Variants in DAG1 observed in about 807,000 individuals in gnomAD.
DAG1 encodes the protein dystroglycan 1 (dystrophin-associated glycoprotein 1).
A neutral mutation model predicts 46.1 loss-of-function variants in DAG1; 8 were observed. The observed-to-expected ratio is 0.17, with a 90% CI of 0.10 to 0.31. The LOEUF (loss-of-function observed/expected upper bound fraction) is 0.31, where lower values mean the gene tolerates loss of function less well. DAG1 is among the 10% of genes least tolerant of loss of function. The probability of loss-of-function intolerance (pLI) is 1.00; values close to 1 mark genes in which losing one functional copy is unlikely to be tolerated. For synonymous variants in DAG1, 495 were observed against 481.8 expected (o/e 1.03, Z -0.36); for missense variants, 1,003 against 1,189.9 (o/e 0.84, Z 2.31).
chr3:49,472,472 C>T (rs551999176), intron 1 of DAG1, among the ~76,000 whole-genome samples: 244 of 152,236 alleles, frequency 1.6e-3, no homozygotes, highest in Non-Finnish European at 2.8e-3. Flanking sequence ...ACCACTTAGA[C>T]TGCCGTCGAT....
At chr3:49,507,898 ATTTT>A (rs978584763) in intron 1 of DAG1, among the ~76,000 whole-genome samples, 7 of 151,864 alleles carry the variant, frequency 4.6e-5, no homozygotes, top group Non-Finnish European at 1.5e-5. Context: ...AGTAGTTTGT[ATTTT>A]TTGAGAGGAA....
chr3:49,531,346 G>T lies in DAG1; in HGVS notation c.835G>T (p.Ala279Ser), dbSNP rs202239406. 47 of 1,614,000 alleles carry T rather than the reference G, an allele frequency of 2.9e-5. No homozygotes were observed. Among genetic ancestry groups the T allele is most frequent in the African/African-American group, 1.3e-5 (1 of 74,864 alleles). The change falls in exon 3 of 3, where the codon GCC becomes TCC. Residue 279 changes from alanine (A) to serine (S), a missense_variant. Coordinates refer to ENST00000308775, the MANE Select transcript of DAG1 (RefSeq NM_004393.6). The surrounding 1 kb of genome is among the most constrained non-coding windows in gnomAD (Gnocchi z 7.0). ...NSVPDIHGVE[A>S]PAREGAMSAQ... ...TGTGCCTGACATTCATGGTGTAGAG[G>T]CCCCTGCCAGGGAGGGCGCAATGTC...
chr3:49,476,051 G>A (rs2049675373), intron 1 of DAG1, among the ~76,000 whole-genome samples: 1 of 152,024 alleles, frequency 6.6e-6, no homozygotes, highest in Non-Finnish European at 1.5e-5. Context: ...TCAGGGTCCA[G>A]GGTAGAAAGA....
In DAG1 at chr3:49,532,304, G is replaced by A. The variant is rs201268364; in HGVS notation, c.1793G>A (p.Arg598His). ...VDAFEIHVHR[R>H]PQGDRAPARF... ...GCCTTCGAGATCCACGTCCACAGGC[G>A]CCCCCAAGGGGATAGGGCTCCTGCA... Residue 598 changes from arginine (R) to histidine (H), a missense_variant, in exon 3 of 3, where the codon CGC becomes CAC. Physicochemically the swap from Arg to His is conservative, Grantham distance 29 (BLOSUM62 0). Transcript: ENST00000308775. The surrounding 1 kb of genome is among the most constrained non-coding windows in gnomAD (Gnocchi z 5.4). 5.0e-6 allele frequency: 8 copies of A among 1,614,004 alleles called. No individual in the cohort carries two copies. The highest frequency in any genetic ancestry group is 6.8e-6 in the Non-Finnish European group (8 of 1,180,034).
chr3:49,494,441 G>T (rs957202014), intron 1 of DAG1, among the ~76,000 whole-genome samples: 3 of 152,158 alleles, frequency 2.0e-5, no homozygotes, highest in African/African-American at 7.2e-5. Flanking sequence ...GGCCAATTAG[G>T]TCAGAAAGGC....
intron 1 of DAG1, chr3:49,510,164 G>T: frequency 2.1e-6 from 1 of 475,746 alleles, no homozygotes. Flanking sequence ...TATTTTAAAA[G>T]TATTAATGAG....
In DAG1 at chr3:49,533,915, C is replaced by T. The variant is rs1177165322; in HGVS notation, c.*716C>T. On this transcript the variant is annotated 3_prime_UTR_variant, in exon 3 of 3. Transcript: ENST00000308775. Reference sequence around the variant, plus strand: ...TCCCGGCCCTGGCTCACGCCAAGTCCCTGGTGCTGGGTTTGCTCTCCCGCT... The same window carrying T: ...TCCCGGCCCTGGCTCACGCCAAGTCTCTGGTGCTGGGTTTGCTCTCCCGCT... 1 of 163,934 alleles carries T rather than the reference C, an allele frequency of 6.1e-6. No homozygotes were observed. Among genetic ancestry groups the T allele is most frequent in the East Asian group, 1.8e-4 (1 of 5,548 alleles). The allele number at this position is 163,934 out of a possible 1,614,324, so 10.2% of individuals were successfully genotyped here.
chr3:49,499,171 AC>A (rs749997686), intron 1 of DAG1, among the ~76,000 whole-genome samples: 2 of 152,154 alleles, frequency 1.3e-5, no homozygotes, highest in Non-Finnish European at 2.9e-5. Flanking sequence ...GAGTCTCCCA[AC>A]TTTTCTTTTA....
At chr3:49,479,390 A>C (rs1405129038) in intron 1 of DAG1, among the ~76,000 whole-genome samples, 1 of 150,766 alleles carries the variant, frequency 6.6e-6, no homozygotes, top group African/African-American at 2.4e-5. Flanking sequence ...GCTCACTGCA[A>C]CCTCCACCTC....
rs140502758 is a variant in DAG1 at position 49,505,556 on chromosome 3, T to C, written c.-116-4863T>C. 6.9e-3 allele frequency among the ~76,000 whole-genome samples: 1,056 copies of C among 152,338 alleles called. 8 individuals are homozygous for C. The highest frequency in any genetic ancestry group is 0.024 in the African/African-American group (1,007 of 41,574). On this transcript the variant is annotated intron_variant, in intron 1 of 2. Transcript: ENST00000308775. ...GTGACCTTGTTGAACTCACTTATTA[T>C]AGAACTGATATAGGACTATAAGGAG...
At chr3:49,478,865 G>A (rs1297429393) in intron 1 of DAG1, among the ~76,000 whole-genome samples, 2 of 135,836 alleles carry the variant, frequency 1.5e-5, no homozygotes, top group African/African-American at 2.9e-5. Context: ...CTGGGCTGGA[G>A]TGCAATGGCG....
At chr3:49,488,263 T>C (rs779849981) in intron 1 of DAG1, among the ~76,000 whole-genome samples, 1 of 152,228 alleles carries the variant, frequency 6.6e-6, no homozygotes, top group African/African-American at 2.4e-5. Flanking sequence ...TTCCATCTTA[T>C]GTTATTAATG....
At chr3:49,518,265 G>A (rs970651255) in intron 2 of DAG1, among the ~76,000 whole-genome samples, 1 of 152,206 alleles carries the variant, frequency 6.6e-6, no homozygotes, top group Non-Finnish European at 1.5e-5. Flanking sequence ...CATACTTGCT[G>A]ATTGGTTAGG....
intron 1 of DAG1, chr3:49,493,005 T>C (rs1363027764): frequency 6.6e-6 from 1 of 150,812 alleles, no homozygotes; most frequent in African/African-American, 2.4e-5. Flanking sequence ...AGAATTTCTT[T>C]CCCATCTTTG....
At position 49,511,518 on chromosome 3, in the gene DAG1, A is replaced by G. The variant is rs1363649323; in HGVS notation, c.285+699A>G. Among the ~76,000 whole-genome samples the G allele has an allele frequency of 2.0e-5, 3 of 152,178 alleles. No individual in the cohort carries two copies. In the South Asian group the frequency reaches 6.2e-4, roughly 32 times the overall value. ...GTGGGTGGGATGTACCCCTCAAGTT[A>G]TGAACATCTTCTAGAGCAGAAGTCA... On this transcript the variant is annotated intron_variant, in intron 2 of 2. Coordinates refer to ENST00000308775, the MANE Select transcript of DAG1 (RefSeq NM_004393.6).
chr3:49,527,596 G>T (rs896578976), intron 2 of DAG1, among the ~76,000 whole-genome samples: 13 of 149,064 alleles, frequency 8.7e-5, no homozygotes, highest in Non-Finnish European at 1.9e-4. Flanking sequence ...CCAGCTACTT[G>T]GGAGGCTGAG....
At chr3:49,470,792 A>C (rs1051020687) in intron 1 of DAG1, among the ~76,000 whole-genome samples, 1 of 152,206 alleles carries the variant, frequency 6.6e-6, no homozygotes, top group Non-Finnish European at 1.5e-5. Flanking sequence ...GTTGTGGCCC[A>C]GTTGGGCCGG....
intron 1 of DAG1, chr3:49,471,126 G>C (rs2049507061): frequency 6.6e-6 from 1 of 152,084 alleles, no homozygotes; most frequent in Non-Finnish European, 1.5e-5. Flanking sequence ...TCTTATTTTT[G>C]TAAATCGAGT....
At chr3:49,481,635 T>G (rs1017286881) in intron 1 of DAG1, among the ~76,000 whole-genome samples, 1 of 152,128 alleles carries the variant, frequency 6.6e-6, no homozygotes, top group Non-Finnish European at 1.5e-5. Context: ...GCTGAGGCAG[T>G]CATGGCCCTT....
Sources: allele counts gnomAD v4.1 joint callset (sites outside exome capture counted in the v4.1 genomes callset), GRCh38; gene constraint gnomAD v4.1.1; non-coding constraint Gnocchi (gnomAD v3.1); transcripts MANE v1.5; gene names NCBI Gene and HGNC (gene_info 2026-07-23, HGNC 2026-07-21).